The following NEK11 variants were observed in gnomAD, a reference collection of about 807,000 sequenced individuals.
NEK11 encodes serine/threonine-protein kinase Nek11.
In NEK11, 72 loss-of-function variants were observed where a neutral mutation model predicts 80.7. That is an observed-to-expected ratio of 0.89 (90% CI 0.74 to 1.08). NEK11 has a LOEUF of 1.08. NEK11 is among the 50% of genes least tolerant of loss of function. The pLI is 0.00. For missense variants in NEK11, 764 were observed against 763.6 expected (o/e 1.00, Z -0.01); for synonymous variants, 251 against 260.7 (o/e 0.96, Z 0.36).
chr3:131,043,695 A>T (rs957015922), intron 3 of NEK11, among the ~76,000 whole-genome samples: 1 of 152,214 alleles, frequency 6.6e-6, no homozygotes, highest in Non-Finnish European at 1.5e-5. Flanking sequence ...ACTCATCAGG[A>T]TATTATCCGG....
chr3:131,111,719 T>A (rs535363144), intron 5 of NEK11, among the ~76,000 whole-genome samples: 2 of 152,110 alleles, frequency 1.3e-5, no homozygotes, highest in African/African-American at 4.8e-5. Context: ...TTATTTTTAA[T>A]GACAAAAGCC....
chr3:131,076,157 G>A (rs2074314506), intron 3 of NEK11, among the ~76,000 whole-genome samples: 1 of 152,134 alleles, frequency 6.6e-6, no homozygotes, highest in African/African-American at 2.4e-5. Flanking sequence ...TCTCTCCATG[G>A]GAGGCAAGAC....
At chr3:131,106,081 A>T (rs34339086) in intron 4 of NEK11, among the ~76,000 whole-genome samples, 32,761 of 152,090 alleles carry the variant, frequency 0.22, 3,717 homozygotes, top group African/African-American at 0.27. Context: ...TCTAGTGAAC[A>T]CTAGGAAGCA....
intron 3 of NEK11, among the ~76,000 whole-genome samples, chr3:131,058,730 C>T (rs928918507): frequency 2.0e-5 from 3 of 152,068 alleles, no homozygotes; most frequent in Non-Finnish European, 4.4e-5. Context: ...ACAGTATAGA[C>T]AAGAGAGGGA....
intron 10 of NEK11, among the ~76,000 whole-genome samples, chr3:131,157,494 A>T (rs2090872614): frequency 6.6e-6 from 1 of 152,180 alleles, no homozygotes; most frequent in African/African-American, 2.4e-5. Context: ...CAACAAAAAT[A>T]TCTACTGTAT....
At chr3:131,046,688 C>T (rs1358933870) in intron 3 of NEK11, among the ~76,000 whole-genome samples, 1 of 152,074 alleles carries the variant, frequency 6.6e-6, no homozygotes, top group Non-Finnish European at 1.5e-5. Flanking sequence ...CCTATCAACT[C>T]CTCATTTACA....
intron 17 of NEK11, among the ~76,000 whole-genome samples, chr3:131,341,551 TATC>T (rs2097286699): frequency 6.6e-6 from 1 of 152,224 alleles, no homozygotes; most frequent in Admixed American, 6.5e-5. Context: ...AGATATTTTC[TATC>T]ATTACTAATA....
chr3:131,199,313 A>T (rs976830422), intron 14 of NEK11, among the ~76,000 whole-genome samples: 1 of 152,152 alleles, frequency 6.6e-6, no homozygotes, highest in South Asian at 2.1e-4. Context: ...TTCATGAAGA[A>T]TCTCACAAAA....
intron 15 of NEK11, among the ~76,000 whole-genome samples, chr3:131,243,203 A>AT (rs1361759032): frequency 6.6e-6 from 1 of 152,088 alleles, no homozygotes; most frequent in Non-Finnish European, 1.5e-5. Context: ...CACTGCTAAC[A>AT]TTTTTTTGTA....
At chr3:131,106,914 A>T (rs768795222) in intron 4 of NEK11, among the ~76,000 whole-genome samples, 167 of 152,198 alleles carry the variant, frequency 1.1e-3, no homozygotes, top group Non-Finnish European at 2.0e-3. Context: ...CTGGAAGTGA[A>T]TTTTTTTCTG....
At chr3:131,154,988 C>A in intron 9 of NEK11, 48 bp from the exon 10 acceptor site, 1 of 1,099,448 alleles carries the variant, frequency 9.1e-7, no homozygotes. Flanking sequence ...TCCCTTTCAT[C>A]CCTAAAGAGG....
At chr3:131,128,580 C>T (rs1293153746) in intron 5 of NEK11, among the ~76,000 whole-genome samples, 2 of 152,170 alleles carry the variant, frequency 1.3e-5, no homozygotes, top group East Asian at 3.9e-4. Context: ...TTGTTGCTTT[C>T]AAGTTTTGGC....
At chr3:131,285,063 C>T (rs1195346538) in intron 17 of NEK11, among the ~76,000 whole-genome samples, 1 of 152,202 alleles carries the variant, frequency 6.6e-6, no homozygotes, top group Admixed American at 6.5e-5. Flanking sequence ...TGTGAGTACA[C>T]TTGACTTTTT....
intron 14 of NEK11, among the ~76,000 whole-genome samples, chr3:131,195,975 G>A (rs1016444582): frequency 7.9e-5 from 12 of 151,096 alleles, no homozygotes; most frequent in Admixed American, 1.3e-4. Context: ...GAATGGGAGC[G>A]TATTTTATGT....
At chr3:131,227,487 T>C (rs769361135) in intron 14 of NEK11, among the ~76,000 whole-genome samples, 1 of 152,164 alleles carries the variant, frequency 6.6e-6, no homozygotes. Context: ...TTAAGTCTCT[T>C]GCACAAATTT....
intron 4 of NEK11, among the ~76,000 whole-genome samples, chr3:131,090,679 G>C (rs1210941573): frequency 3.3e-5 from 5 of 152,152 alleles, no homozygotes; most frequent in Non-Finnish European, 7.4e-5. Flanking sequence ...TTTCTTTGTT[G>C]TGTCAAATCA....
At chr3:131,033,440 C>T (rs1289761179) in intron 3 of NEK11, among the ~76,000 whole-genome samples, 3 of 152,256 alleles carry the variant, frequency 2.0e-5, no homozygotes, top group East Asian at 3.9e-4. Context: ...TTTGCAGATA[C>T]ACCCTTAACT....
At chr3:131,075,510 G>A (rs1488014634) in intron 3 of NEK11, among the ~76,000 whole-genome samples, 1 of 151,544 alleles carries the variant, frequency 6.6e-6, no homozygotes, top group Non-Finnish European at 1.5e-5. Context: ...ATTACTCTCT[G>A]CCATTATATA....
At chr3:131,149,325 G>A (rs757387580) in intron 7 of NEK11, among the ~76,000 whole-genome samples, 2 of 152,020 alleles carry the variant, frequency 1.3e-5, no homozygotes, top group Non-Finnish European at 2.9e-5. Context: ...TCTTTTTTAT[G>A]GCTGCATAAT....
Sources: allele counts gnomAD v4.1 joint callset (sites outside exome capture counted in the v4.1 genomes callset), GRCh38; gene constraint gnomAD v4.1.1; transcripts MANE v1.5; gene names NCBI Gene and HGNC (gene_info 2026-07-23, HGNC 2026-07-21).